Variants in G2E3 observed in about 807,000 individuals in gnomAD.
The protein encoded by G2E3 is G2/M phase-specific E3 ubiquitin-protein ligase.
Under a neutral mutation model 92.8 loss-of-function variants are expected in G2E3, and 35 were observed. The observed-to-expected ratio is 0.38, with a 90% CI of 0.29 to 0.50. G2E3 has a LOEUF of 0.50. Ranked by LOEUF, G2E3 falls within the 20% of genes least tolerant of loss-of-function variation. The pLI is 0.94. For synonymous variants in G2E3, 242 were observed against 272.4 expected, an observed-to-expected ratio of 0.89 and a Z score of 1.10; for missense variants, 554 against 823.8, an observed-to-expected ratio of 0.67 and a Z score of 4.01.
rs759730086 is a variant in G2E3, at chr14:30,615,464, G to C, written c.1789G>C (p.Glu597Gln). 1 of 1,611,996 alleles carries C rather than the reference G, an allele frequency of 6.2e-7. No individual in the cohort carries two copies. The highest frequency in any genetic ancestry group is 8.5e-7 in the Non-Finnish European group (1 of 1,178,420). The change falls in exon 14 of 15, where the codon GAG becomes CAG. Residue 597 changes from glutamate to glutamine, a missense_variant. This residue lies in a region of G2E3 where 397 missense variants were observed against 560.3 expected (regional missense o/e 0.71). Coordinates refer to ENST00000206595, the MANE Select transcript of G2E3 (RefSeq NM_017769.5). ...GAGTCTTTCTGCAAAAATCCTTAGT[G>C]AGCTTTTTACAGTACACACATTACC... ...PESLSAKILSELFTVHTLPDV... is the reference protein window; with the variant it reads ...PESLSAKILSQLFTVHTLPDV...
rs758321945 is a variant in G2E3 at position 30,605,690 on chromosome 14, A to G, written c.1196A>G (p.Asp399Gly). 1 of 1,609,792 alleles carries G rather than the reference A, an allele frequency of 6.2e-7. No homozygotes were observed. Among genetic ancestry groups the G allele is most frequent in the South Asian group, 1.1e-5 (1 of 90,368 alleles). The change falls in exon 11 of 15, where the codon GAT becomes GGT. Residue 399 changes from aspartate to glycine, a missense_variant. This residue lies in a region of G2E3 where 397 missense variants were observed against 560.3 expected (regional missense o/e 0.71). Coordinates refer to ENST00000206595, the MANE Select transcript of G2E3 (RefSeq NM_017769.5). ...AIEVAYVIEN[D>G]NFGSEHPGSK... is the part of the protein sequence containing the mutation. ...GAAGTAGCATATGTTATTGAAAATG[A>G]TAATTTTGGAAGTGAGCATCCTGGA...
intron 1 of G2E3, among the ~76,000 whole-genome samples, chr14:30,570,235 C>A (rs1488510786): frequency 2.0e-5 from 3 of 152,154 alleles, no homozygotes; most frequent in Non-Finnish European, 4.4e-5. Flanking sequence ...TTCTCTCTTG[C>A]TGCTTTCAAG....
intron 2 of G2E3, among the ~76,000 whole-genome samples, chr14:30,585,261 C>A (rs567955347): frequency 6.6e-6 from 1 of 152,142 alleles, no homozygotes; most frequent in East Asian, 1.9e-4. Flanking sequence ...CAAAGTCACA[C>A]AGATTTACCC....
chr14:30,600,130 TCTTA>T (rs1017312130), intron 8 of G2E3, among the ~76,000 whole-genome samples: 11 of 152,204 alleles, frequency 7.2e-5, no homozygotes, highest in African/African-American at 2.7e-4. Flanking sequence ...TGTTATGTAG[TCTTA>T]CTTAACATAG....
intron 1 of G2E3, among the ~76,000 whole-genome samples, chr14:30,570,744 G>GT (rs1409180559): frequency 6.6e-6 from 1 of 152,030 alleles, no homozygotes; most frequent in Non-Finnish European, 1.5e-5. Flanking sequence ...TTGATTGTGA[G>GT]TTTTTTGCCA....
intron 1 of G2E3, among the ~76,000 whole-genome samples, chr14:30,572,979 A>G (rs1879854492): frequency 1.3e-5 from 2 of 151,518 alleles, no homozygotes; most frequent in Non-Finnish European, 2.9e-5. Flanking sequence ...GTTAAAAAAC[A>G]TTGAAGATCA....
chr14:30,589,631 G>T (rs1594487122), intron 4 of G2E3, 147 bp downstream of exon 4: 1 of 558,460 alleles, frequency 1.8e-6, no homozygotes, highest in East Asian at 2.8e-5. Context: ...TAAGTTTTAG[G>T]AGGACAGTTT....
chr14:30,589,489 G>A lies in G2E3; in HGVS notation c.237+5G>A. 7.3e-7 allele frequency: 1 copy of A among 1,366,326 alleles called. No homozygotes were observed. The highest frequency in any genetic ancestry group is 1.8e-5 in the Admixed American group (1 of 57,122). 84.6% of individuals were successfully genotyped at this position (1,366,326 alleles called of 1,614,324 possible). On this transcript the variant is annotated splice_donor_5th_base_variant and intron_variant, in intron 4 of 14. Coordinates refer to ENST00000206595, the MANE Select transcript of G2E3 (RefSeq NM_017769.5). ...GTGAATAGAGCTTCTAAACTGGTAAGTAAATTATTTTACTATTAAGTAATG... is the reference window on the plus strand; with the variant it reads ...GTGAATAGAGCTTCTAAACTGGTAAATAAATTATTTTACTATTAAGTAATG...
Position 30,588,131 on chromosome 14 carries a change from A to G in G2E3, c.136-1252A>G, listed in dbSNP as rs184314342. The stretch of plus-strand genomic sequence containing the variant: ...AAGAGAACATGAAGTTGTCATTCCA[A>G]ATATGTTTATAAGTTACAGACGATT... On this transcript the variant is annotated intron_variant, in intron 3 of 14. Coordinates refer to ENST00000206595, the MANE Select transcript of G2E3 (RefSeq NM_017769.5). Among the ~76,000 whole-genome samples, 141 of 152,280 alleles carry G rather than the reference A, an allele frequency of 9.3e-4. 2 individuals carry two copies. The South Asian group carries it at 0.015, about 16-fold the overall frequency.
intron 11 of G2E3, among the ~76,000 whole-genome samples, chr14:30,607,316 C>T (rs550068610): frequency 6.6e-6 from 1 of 152,200 alleles, no homozygotes; most frequent in South Asian, 2.1e-4. Flanking sequence ...GCAATTTCAT[C>T]ATGCAAAGAT....
chr14:30,594,643 A>G (rs1881185253), intron 6 of G2E3, among the ~76,000 whole-genome samples: 1 of 152,106 alleles, frequency 6.6e-6, no homozygotes, highest in South Asian at 2.1e-4. Flanking sequence ...CACTGAGCCA[A>G]GATGGCACCA....
chr14:30,607,296 G>A (rs568781250), intron 11 of G2E3, among the ~76,000 whole-genome samples: 1 of 152,104 alleles, frequency 6.6e-6, no homozygotes, highest in South Asian at 2.1e-4. Flanking sequence ...TCTGAGAAAT[G>A]TGTCAGTAGG....
intron 8 of G2E3, among the ~76,000 whole-genome samples, chr14:30,601,251 A>G (rs932411318): frequency 6.6e-6 from 1 of 152,232 alleles, no homozygotes; most frequent in Admixed American, 6.5e-5. Flanking sequence ...CATACACCAC[A>G]TAACACAGTG....
At chr14:30,584,799 A>T (rs953243642) in intron 2 of G2E3, among the ~76,000 whole-genome samples, 14 of 143,152 alleles carry the variant, frequency 9.8e-5, no homozygotes, top group Non-Finnish European at 4.6e-5. Flanking sequence ...AGATGTGTAG[A>T]GTGTCTTTCA....
intron 1 of G2E3, among the ~76,000 whole-genome samples, chr14:30,579,752 C>A (rs1054471661): frequency 6.6e-6 from 1 of 152,196 alleles, no homozygotes. Flanking sequence ...AACTCCTTGA[C>A]CTTGGACAGG....
chr14:30,593,082 G>A (rs1247209684), intron 5 of G2E3, among the ~76,000 whole-genome samples: 1 of 152,128 alleles, frequency 6.6e-6, no homozygotes, highest in African/African-American at 2.4e-5. Flanking sequence ...TGCATTTTAT[G>A]TGTTATATGA....
chr14:30,601,735 C>T, intron 8 of G2E3, 35 bp from the exon 9 acceptor site: 1 of 1,612,062 alleles, frequency 6.2e-7, no homozygotes, highest in Non-Finnish European at 8.5e-7. Context: ...AGAATAATAA[C>T]AAAATGTAAG....
At chr14:30,607,500 T>C (rs1046925365) in intron 11 of G2E3, among the ~76,000 whole-genome samples, 9 of 152,108 alleles carry the variant, frequency 5.9e-5, no homozygotes, top group African/African-American at 9.7e-5. Flanking sequence ...CAAAAGGTAA[T>C]GCATTGTGCT....
intron 8 of G2E3, 53 bp downstream of exon 8, chr14:30,598,652 T>C (rs548640329): frequency 9.0e-7 from 1 of 1,109,536 alleles, no homozygotes; most frequent in Non-Finnish European, 1.4e-6. Flanking sequence ...AACCTTCTGC[T>C]GAGAAAGTAG....
Sources: gnomAD v4.1 joint callset for allele counts (sites outside exome capture counted in the v4.1 genomes callset) on GRCh38, gnomAD v4.1.1 for gene constraint, gnomAD v4.1.1 regional missense constraint, MANE v1.5 for transcripts, NCBI Gene and HGNC (gene_info 2026-07-23, HGNC 2026-07-21) for gene names.